Variants in FAM135B observed in about 807,000 individuals in gnomAD.
FAM135B encodes the protein protein FAM135B.
A neutral mutation model predicts 127.7 loss-of-function variants in FAM135B; 43 were observed. That is an observed-to-expected ratio of 0.34 (90% CI 0.26 to 0.43). The LOEUF is 0.43. Among genes scored for constraint, FAM135B ranks in the 20% least tolerant of loss-of-function variants. The probability of loss-of-function intolerance (pLI) is 1.00; values close to 1 mark genes in which losing one functional copy is unlikely to be tolerated. For missense variants in FAM135B, 1,558 were observed against 1,725.6 expected (o/e 0.90, Z 1.72); for synonymous variants, 670 against 665.1 (o/e 1.01, Z -0.11).
At chr8:138,320,636 GA>G (rs1354134642) in intron 2 of FAM135B, among the ~76,000 whole-genome samples, 1 of 152,160 alleles carries the variant, frequency 6.6e-6, no homozygotes, top group African/African-American at 2.4e-5. Context: ...AGCAACTAAT[GA>G]ACATCTGTTC....
At chr8:138,454,339 C>T (rs1405738262) in intron 1 of FAM135B, among the ~76,000 whole-genome samples, 1 of 152,028 alleles carries the variant, frequency 6.6e-6, no homozygotes, top group African/African-American at 2.4e-5. Flanking sequence ...CTCCTTCATT[C>T]GTCAAATGGA....
chr8:138,455,673 G>A (rs1229132626), intron 1 of FAM135B, among the ~76,000 whole-genome samples: 1 of 152,100 alleles, frequency 6.6e-6, no homozygotes. Flanking sequence ...TTCTTGTCTA[G>A]CATTATTCTC....
At chr8:138,383,620 T>C (rs1832004088) in intron 1 of FAM135B, among the ~76,000 whole-genome samples, 1 of 152,242 alleles carries the variant, frequency 6.6e-6, no homozygotes, top group African/African-American at 2.4e-5. Context: ...CGTTTAATCT[T>C]CAAAACTCAA....
intron 1 of FAM135B, among the ~76,000 whole-genome samples, chr8:138,493,369 T>A (rs1184452813): frequency 6.6e-6 from 1 of 152,140 alleles, no homozygotes; most frequent in African/African-American, 2.4e-5. Flanking sequence ...TCTTCTTAGT[T>A]CTTCTTCTCT....
At chr8:138,382,319 C>T (rs573577805) in intron 1 of FAM135B, among the ~76,000 whole-genome samples, 2 of 152,282 alleles carry the variant, frequency 1.3e-5, no homozygotes, top group South Asian at 4.1e-4. Context: ...TCCGTCTTCC[C>T]TGTGCTCTGC....
chr8:138,313,383 T>C (rs1302638459), intron 2 of FAM135B, among the ~76,000 whole-genome samples: 1 of 152,122 alleles, frequency 6.6e-6, no homozygotes, highest in Non-Finnish European at 1.5e-5. Flanking sequence ...CCACCTGCCT[T>C]GGCCTCCCAA....
chr8:138,382,203 A>T (rs1333123855), intron 1 of FAM135B, among the ~76,000 whole-genome samples: 1 of 152,164 alleles, frequency 6.6e-6, no homozygotes, highest in Non-Finnish European at 1.5e-5. Context: ...CTCCCAGCCA[A>T]AATGGAAAAC....
intron 2 of FAM135B, among the ~76,000 whole-genome samples, chr8:138,363,616 G>C (rs1830570506): frequency 6.6e-6 from 1 of 152,176 alleles, no homozygotes; most frequent in Admixed American, 6.5e-5. Flanking sequence ...AAGGCATGTT[G>C]ACTGTTCGCT....
intron 6 of FAM135B, among the ~76,000 whole-genome samples, chr8:138,246,594 C>A (rs1007609413): frequency 1.3e-5 from 2 of 152,180 alleles, no homozygotes; most frequent in African/African-American, 4.8e-5. Context: ...TCCTGGATGT[C>A]CAGGCAGAAG....
intron 9 of FAM135B, among the ~76,000 whole-genome samples, chr8:138,189,011 C>T (rs1815855473): frequency 6.6e-6 from 1 of 152,232 alleles, no homozygotes; most frequent in African/African-American, 2.4e-5. Flanking sequence ...ACATGCATTT[C>T]TGTTTTCCTG....
chr8:138,261,151 A>G (rs1347481030), intron 4 of FAM135B, among the ~76,000 whole-genome samples: 1 of 152,038 alleles, frequency 6.6e-6, no homozygotes, highest in African/African-American at 2.4e-5. Flanking sequence ...CAGCAAAAAA[A>G]AAAAAGAAAA....
In FAM135B at chr8:138,168,057, G is replaced by A. The variant is rs1246134029; in HGVS notation, c.1104-8C>T. Reference sequence around the variant, plus strand: ...TGGCTGTGCGTCTGTATCCTGGGGAGCACATGGCAGGGTGAGCGTCCAGGG... The same window carrying A: ...TGGCTGTGCGTCTGTATCCTGGGGAACACATGGCAGGGTGAGCGTCCAGGG... On this transcript the variant is annotated splice_region_variant and splice_polypyrimidine_tract_variant and intron_variant, in intron 11 of 19. Transcript: ENST00000395297. The A allele has an allele frequency of 1.2e-6, 2 of 1,607,048 alleles. No individual in the cohort carries two copies. Among genetic ancestry groups the A allele is most frequent in the Non-Finnish European group, 1.7e-6 (2 of 1,176,502 alleles).
At chr8:138,197,238 T>C (rs906948794) in intron 8 of FAM135B, among the ~76,000 whole-genome samples, 8 of 152,174 alleles carry the variant, frequency 5.3e-5, no homozygotes, top group African/African-American at 1.9e-4. Context: ...CCTAAAATTA[T>C]GCAGTGGAGT....
At chr8:138,433,194 G>C (rs747788049) in intron 1 of FAM135B, among the ~76,000 whole-genome samples, 5 of 152,206 alleles carry the variant, frequency 3.3e-5, no homozygotes, top group Admixed American at 6.6e-5. Flanking sequence ...AACTGTGTAA[G>C]GTATTTTATA....
chr8:138,449,256 G>A (rs941842167), intron 1 of FAM135B, among the ~76,000 whole-genome samples: 2 of 152,138 alleles, frequency 1.3e-5, no homozygotes, highest in African/African-American at 4.8e-5. Flanking sequence ...ACAAGCACAG[G>A]CTGCTAAGAG....
intron 1 of FAM135B, among the ~76,000 whole-genome samples, chr8:138,378,635 C>T (rs1419776905): frequency 2.6e-5 from 4 of 152,100 alleles, no homozygotes; most frequent in Non-Finnish European, 5.9e-5. Flanking sequence ...CTGACCCTCA[C>T]CTACCATAGA....
At chr8:138,142,012 T>A (rs963666988) in intron 16 of FAM135B, among the ~76,000 whole-genome samples, 1 of 152,196 alleles carries the variant, frequency 6.6e-6, no homozygotes, top group Non-Finnish European at 1.5e-5. Flanking sequence ...TGTCACCCTA[T>A]GAAACTGCCT....
At chr8:138,261,092 T>C (rs1822504489) in intron 4 of FAM135B, among the ~76,000 whole-genome samples, 1 of 152,038 alleles carries the variant, frequency 6.6e-6, no homozygotes, top group Non-Finnish European at 1.5e-5. Flanking sequence ...CGTGCCCATT[T>C]TTCTACTTAT....
chr8:138,423,476 G>A (rs183270351), intron 1 of FAM135B, among the ~76,000 whole-genome samples: 489 of 152,180 alleles, frequency 3.2e-3, no homozygotes, highest in Non-Finnish European at 4.9e-3. Flanking sequence ...ATCACATGTC[G>A]GTAGGTTCCG....
Sources: allele counts gnomAD v4.1 joint callset (sites outside exome capture counted in the v4.1 genomes callset), GRCh38; gene constraint gnomAD v4.1.1; transcripts MANE v1.5; gene names NCBI Gene and HGNC (gene_info 2026-07-23, HGNC 2026-07-21).